The following LAMA1 variants were observed in gnomAD, a reference collection of about 807,000 sequenced individuals.
The protein encoded by LAMA1 is laminin subunit alpha-1.
In LAMA1, 219 loss-of-function variants were observed where a neutral mutation model predicts 348.7. The observed-to-expected ratio is 0.63, with a 90% CI of 0.56 to 0.70. The LOEUF (loss-of-function observed/expected upper bound fraction) is 0.70. Ranked by LOEUF, LAMA1 falls within the 30% of genes least tolerant of loss-of-function variation. The pLI is 0.00. For synonymous variants in LAMA1, 1,487 were observed against 1,491.0 expected (o/e 1.00, Z 0.06); for missense variants, 3,744 against 3,888.0 (o/e 0.96, Z 0.99).
At chr18:7,109,446 T>C (rs779140584) in intron 1 of LAMA1, among the ~76,000 whole-genome samples, 3 of 152,182 alleles carry the variant, frequency 2.0e-5, no homozygotes, top group Non-Finnish European at 4.4e-5. Context: ...GATGGCAACT[T>C]TGGCTGGGTG....
chr18:7,088,528 AT>A (rs958996639), intron 1 of LAMA1, among the ~76,000 whole-genome samples: 13 of 151,650 alleles, frequency 8.6e-5, no homozygotes, highest in Non-Finnish European at 1.3e-4. Context: ...TTATTATTTT[AT>A]TTTTTGGAGA....
chr18:7,085,744 G>A (rs910762030), intron 1 of LAMA1, among the ~76,000 whole-genome samples: 22 of 152,070 alleles, frequency 1.4e-4, no homozygotes, highest in African/African-American at 3.9e-4. Flanking sequence ...TTACCCATTC[G>A]CCCAAGTGAA....
intron 1 of LAMA1, among the ~76,000 whole-genome samples, chr18:7,111,604 C>T (rs1255224505): frequency 6.6e-6 from 1 of 152,180 alleles, no homozygotes; most frequent in East Asian, 1.9e-4. Flanking sequence ...TCCAACAGAA[C>T]CAAAGTTCAT....
At chr18:7,018,450 C>T (rs1277486664) in intron 19 of LAMA1, among the ~76,000 whole-genome samples, 2 of 143,152 alleles carry the variant, frequency 1.4e-5, no homozygotes, top group Non-Finnish European at 3.0e-5. Context: ...GGCTGGAGTG[C>T]AGTGGCGTGA....
rs1260623639 is a variant in LAMA1 at position 6,961,978 on chromosome 18, A to G, written c.7419T>C (p.Asn2473=). The change falls in exon 52 of 63, where the codon AAT becomes AAC. Residue 2473 remains asparagine, a synonymous_variant. Coordinates refer to ENST00000389658, the MANE Select transcript of LAMA1 (RefSeq NM_005559.4). ...ISRSTFDLLR[N]SYGVRKGCLL... ...AACAGCCTTTTCTCACTCCATAGGA[A>G]TTTCTGAGTAAGTCAAAGGTTGATC... 2 of 1,614,224 alleles carry G rather than the reference A, an allele frequency of 1.2e-6. No individual in the cohort carries two copies. The highest frequency in any genetic ancestry group is 3.3e-5 in the Admixed American group (2 of 60,024).
intron 22 of LAMA1, 137 bp downstream of exon 22, chr18:7,015,585 T>A: frequency 9.7e-7 from 1 of 1,033,184 alleles, no homozygotes; most frequent in East Asian, 2.5e-5. Flanking sequence ...TGGCCCACAT[T>A]GAGTTTTTTT....
Position 7,050,881 on chromosome 18 carries a change from T to G in LAMA1, c.401A>C (p.Asn134Thr). The change falls in exon 4 of 63, where the codon AAC (asparagine) becomes ACC (threonine). Residue 134 changes from asparagine (N) to threonine (T), a missense_variant. This residue lies in a region of LAMA1 where 1,529 missense variants were observed against 1,689.4 expected (regional missense o/e 0.91). Coordinates refer to ENST00000389658, the MANE Select transcript of LAMA1 (RefSeq NM_005559.4). ...ATCCAGAGAACGCTCCAAAATCCAG[T>G]TTCCAGGTCGAGGGGCATTGGCAGC... ...IKAANAPRPG[N>T]WILERSLDGT... 6.2e-7 allele frequency: 1 copy of G among 1,614,102 alleles called. No homozygotes were observed.
chr18:7,032,992 A>G lies in LAMA1; in HGVS notation c.2155T>C (p.Ser719Pro), dbSNP rs768219641. The change falls in exon 15 of 63, where the codon TCC becomes CCC. Residue 719 changes from serine (S) to proline (P), a missense_variant. Transcript: ENST00000389658. ...GAAGAGAGAAGCGTCACCTCACAGG[A>G]GGTCCCTGTGTAGCCTTGCGGACAT... ...CECPQGYTGT[S>P]CESCLSGYYR... 7 of 1,605,896 alleles carry G rather than the reference A, an allele frequency of 4.4e-6. No individual in the cohort carries two copies. Among genetic ancestry groups the G allele is most frequent in the Non-Finnish European group, 6.0e-6 (7 of 1,175,004 alleles).
At chr18:6,982,988 A>G in intron 40 of LAMA1, 111 bp downstream of exon 40, 3 of 1,385,844 alleles carry the variant, frequency 2.2e-6, no homozygotes, top group South Asian at 2.4e-5. Context: ...AACAGATTCC[A>G]CCAGAAAAGA....
At chr18:6,987,092 G>T (rs2057738851) in intron 36 of LAMA1, among the ~76,000 whole-genome samples, 2 of 152,274 alleles carry the variant, frequency 1.3e-5, no homozygotes, top group African/African-American at 4.8e-5. Context: ...CAGCTCTGAT[G>T]ATTTTATAAA....
intron 1 of LAMA1, among the ~76,000 whole-genome samples, chr18:7,089,242 G>A (rs1357243681): frequency 1.3e-5 from 2 of 152,128 alleles, no homozygotes; most frequent in Admixed American, 6.5e-5. Context: ...TTAGCCAGAC[G>A]TGGTGAAGCA....
intron 36 of LAMA1, among the ~76,000 whole-genome samples, chr18:6,992,315 G>A (rs2057762343): frequency 6.6e-6 from 1 of 152,136 alleles, no homozygotes; most frequent in African/African-American, 2.4e-5. Flanking sequence ...TCACAGAAAA[G>A]GACAGAAGCT....
intron 1 of LAMA1, among the ~76,000 whole-genome samples, chr18:7,107,875 C>T (rs1051333609): frequency 2.0e-5 from 3 of 151,278 alleles, no homozygotes; most frequent in African/African-American, 7.3e-5. Flanking sequence ...TTAGCCGGGC[C>T]TGGTGGCGGG....
chr18:6,965,934 T>C (rs1035671508), intron 49 of LAMA1: 7 of 575,768 alleles, frequency 1.2e-5, no homozygotes, highest in African/African-American at 1.1e-4. Context: ...TGTTCTTCTA[T>C]ATTTTTCTAA....
At chr18:6,995,181 A>G (rs1397848421) in intron 34 of LAMA1, among the ~76,000 whole-genome samples, 176 bp downstream of exon 34, 1 of 152,188 alleles carries the variant, frequency 6.6e-6, no homozygotes, top group Non-Finnish European at 1.5e-5. Flanking sequence ...CCACTAAACC[A>G]CAGAAACTGG....
chr18:7,024,453 A>G lies in LAMA1; in HGVS notation c.2416T>C (p.Cys806Arg). 6.2e-7 allele frequency: 1 copy of G among 1,613,860 alleles called. No homozygotes were observed. Among genetic ancestry groups the G allele is most frequent in the Non-Finnish European group, 8.5e-7 (1 of 1,179,864 alleles). Residue 806 changes from cysteine (C) to arginine (R), a missense_variant, in exon 18 of 63, where the codon TGC becomes CGC. Coordinates refer to ENST00000389658, the MANE Select transcript of LAMA1 (RefSeq NM_005559.4). ...TIASNNFSPT[C>R]HLNDGDEVVC... The stretch of plus-strand genomic sequence containing the variant: ...ACTTCATCTCCATCATTGAGGTGGC[A>G]GGTGGGGCTGAAACTGTCAAAACAT...
intron 54 of LAMA1, among the ~76,000 whole-genome samples, 195 bp from the exon 55 acceptor site, chr18:6,958,857 C>T (rs1480518693): frequency 2.0e-5 from 3 of 151,704 alleles, no homozygotes; most frequent in East Asian, 1.9e-4. Context: ...TTTTCAGAAA[C>T]GAATGGAATG....
intron 61 of LAMA1, among the ~76,000 whole-genome samples, chr18:6,944,313 G>A (rs2057513186): frequency 2.0e-5 from 3 of 152,136 alleles, no homozygotes; most frequent in African/African-American, 2.4e-5. Context: ...ACCGCACCTG[G>A]CCCGGTCATA....
intron 1 of LAMA1, among the ~76,000 whole-genome samples, chr18:7,106,693 C>G (rs947778298): frequency 1.3e-5 from 2 of 151,886 alleles, no homozygotes; most frequent in Non-Finnish European, 2.9e-5. Flanking sequence ...GATATGACCC[C>G]CACCCCAGAC....
Sources: gnomAD v4.1 joint callset for allele counts (sites outside exome capture counted in the v4.1 genomes callset) on GRCh38, gnomAD v4.1.1 for gene constraint, gnomAD v4.1.1 regional missense constraint, MANE v1.5 for transcripts, NCBI Gene and HGNC (gene_info 2026-07-23, HGNC 2026-07-21) for gene names.